Variants in MDN1 observed in about 807,000 individuals in gnomAD.
MDN1 encodes the protein midasin.
MDN1 carries 266 observed loss-of-function variants against 669.2 expected under a neutral mutation model. The observed-to-expected ratio is 0.40, with a 90% CI of 0.36 to 0.44. MDN1 has a LOEUF of 0.44. MDN1 is among the 20% of genes least tolerant of loss of function. MDN1 has a pLI of 1.00. For synonymous variants in MDN1, 2,385 were observed against 2,457.1 expected, an observed-to-expected ratio of 0.97 and a Z score of 0.87; for missense variants, 5,940 against 6,754.0, an observed-to-expected ratio of 0.88 and a Z score of 4.22.
intron 1 of MDN1, among the ~76,000 whole-genome samples, chr6:89,808,873 G>A (rs1461495756): frequency 6.6e-6 from 1 of 151,990 alleles, no homozygotes; most frequent in Non-Finnish European, 1.5e-5. Context: ...TTTTCTAGTT[G>A]TTTTGGCAAC....
At chr6:89,701,418 C>T in intron 55 of MDN1, 140 bp downstream of exon 55, 1 of 1,106,940 alleles carries the variant, frequency 9.0e-7, no homozygotes, top group Non-Finnish European at 1.3e-6. Context: ...ACCAATCACC[C>T]CCAGATGCCA....
intron 1 of MDN1, among the ~76,000 whole-genome samples, chr6:89,819,095 T>C (rs1396534956): frequency 2.0e-5 from 3 of 152,186 alleles, no homozygotes; most frequent in African/African-American, 2.4e-5. Flanking sequence ...ATGCAATCAG[T>C]ATTTGTCGAT....
Position 89,699,029 on chromosome 6 carries a change from G to A in MDN1, c.9004C>T (p.Pro3002Ser), listed in dbSNP as rs1391338318. 2 of 1,609,972 alleles carry A rather than the reference G, an allele frequency of 1.2e-6. No individual in the cohort carries two copies. Among genetic ancestry groups the A allele is most frequent in the Non-Finnish European group, 1.7e-6 (2 of 1,177,290 alleles). Residue 3002 changes from proline to serine, a missense_variant, in exon 59 of 102, where the codon CCT becomes TCT. Physicochemically the swap from Pro to Ser is moderately conservative, Grantham distance 74. This residue lies in a region of MDN1 where 2,292 missense variants were observed against 2,638.3 expected (regional missense o/e 0.87). Transcript: ENST00000369393. ...WSLLHHQKVS[P>S]EEITSLWSEL... ...GACCACAAAGATGTAATTTCTTCAGGAGACACCTAGAAATAAAGGAATAAT... is the reference window on the plus strand; with the variant it reads ...GACCACAAAGATGTAATTTCTTCAGAAGACACCTAGAAATAAAGGAATAAT...
intron 53 of MDN1, among the ~76,000 whole-genome samples, chr6:89,705,487 C>T (rs1813452155): frequency 2.0e-5 from 3 of 152,146 alleles, no homozygotes; most frequent in African/African-American, 7.2e-5. Flanking sequence ...TAAAATATAA[C>T]TGTTACAATC....
At chr6:89,719,056 C>A (rs1037755710) in intron 41 of MDN1, 26 bp from the exon 42 acceptor site, 29 of 1,613,784 alleles carry the variant, frequency 1.8e-5, no homozygotes, top group Middle Eastern at 1.6e-4. Context: ...AGTGAGATTT[C>A]CATAAGCGTG....
At chr6:89,766,393 A>G (rs1817802576) in intron 15 of MDN1, among the ~76,000 whole-genome samples, 1 of 152,242 alleles carries the variant, frequency 6.6e-6, no homozygotes, top group Non-Finnish European at 1.5e-5. Flanking sequence ...GAAAAGATGA[A>G]AAAACATACA....
At chr6:89,800,247 G>A (rs1767549346) in intron 2 of MDN1, among the ~76,000 whole-genome samples, 2 of 152,046 alleles carry the variant, frequency 1.3e-5, no homozygotes, top group Non-Finnish European at 2.9e-5. Flanking sequence ...GACCAACATG[G>A]AGAAACCCCG....
In MDN1 at chr6:89,648,008, A is replaced by C. The variant is rs1263764878; in HGVS notation, c.16395+24T>G. ...ACCAGTTTAAAAATAACTGTGCAGA[A>C]GACATTTTATTTCATCCTCTTACCT... On this transcript the variant is annotated intron_variant, in intron 99 of 101. Transcript: ENST00000369393. 6 of 1,534,304 alleles carry C rather than the reference A, an allele frequency of 3.9e-6. No individual in the cohort carries two copies. In the Admixed American group the frequency reaches 8.4e-5, roughly 21 times the overall value.
chr6:89,750,273 G>C, intron 24 of MDN1, 81 bp downstream of exon 24: 1 of 1,395,540 alleles, frequency 7.2e-7, no homozygotes, highest in South Asian at 1.4e-5. Flanking sequence ...GCCTCAATTG[G>C]AAAGGATGAA....
At chr6:89,788,598 T>C (rs1381657184) in intron 7 of MDN1, among the ~76,000 whole-genome samples, 1 of 152,220 alleles carries the variant, frequency 6.6e-6, no homozygotes, top group Non-Finnish European at 1.5e-5. Context: ...AAAGGCCTCC[T>C]GTGCTGAGCT....
chr6:89,673,253 G>T lies in MDN1; in HGVS notation c.13457C>A (p.Thr4486Asn). ...DFTTWKTHLL[T>N]SDSQGGNQML... ...TTCCTTACCTCCTTGGCTATCTGAAGTAAGCAGATGGGTCTTCCAGGTAGT... is the reference window on the plus strand; with the variant it reads ...TTCCTTACCTCCTTGGCTATCTGAATTAAGCAGATGGGTCTTCCAGGTAGT... Residue 4486 changes from threonine (T) to asparagine (N), a missense_variant, in exon 80 of 102, where the codon ACT becomes AAT. This residue lies in a region of MDN1 where 2,280 missense variants were observed against 2,576.3 expected (regional missense o/e 0.88). Coordinates refer to ENST00000369393, the MANE Select transcript of MDN1 (RefSeq NM_014611.3). 6.2e-7 allele frequency: 1 copy of T among 1,613,918 alleles called. No homozygotes were observed. The highest frequency in any genetic ancestry group is 8.5e-7 in the Non-Finnish European group (1 of 1,179,774).
chr6:89,810,016 A>AT (rs766839315), intron 1 of MDN1, among the ~76,000 whole-genome samples: 12,050 of 147,144 alleles, frequency 0.082, 821 homozygotes, highest in Non-Finnish European at 0.12. Context: ...AAAAAAAAAA[A>AT]AAAAAAAAAA....
At position 89,728,918 on chromosome 6, in the gene MDN1, T is replaced by C. The variant is rs772984631; in HGVS notation, c.5349+13A>G. On this transcript the variant is annotated intron_variant, in intron 36 of 101. Transcript: ENST00000369393. ...ATAGCTATCTCCATCAGCTGTAGGA[T>C]GACCGAGCTTACCGTTTGCTCTGAT... The C allele has an allele frequency of 6.2e-6, 10 of 1,611,006 alleles. No homozygotes were observed. In the East Asian group the frequency reaches 2.2e-4, roughly 36 times the overall value.
rs761831717 is a variant in MDN1 at position 89,688,063 on chromosome 6, G to C, written c.11355+15C>G. On this transcript the variant is annotated intron_variant, in intron 67 of 101. Transcript: ENST00000369393. ...TGACCACCAACTAAAATGAGGAAGA[G>C]AGGTATTAGCTCACCTGTGCCTTTG... The C allele has an allele frequency of 7.6e-5, 121 of 1,599,242 alleles. No homozygotes were observed. Among genetic ancestry groups the C allele is most frequent in the Non-Finnish European group, 9.0e-5 (105 of 1,166,684 alleles).
At chr6:89,733,839 A>G (rs1815760104) in intron 33 of MDN1, among the ~76,000 whole-genome samples, 1 of 152,190 alleles carries the variant, frequency 6.6e-6, no homozygotes, top group South Asian at 2.1e-4. Context: ...AATTTTGACC[A>G]TTTAAGAAAC....
At chr6:89,766,061 G>A (rs1310441785) in intron 15 of MDN1, among the ~76,000 whole-genome samples, 1 of 152,176 alleles carries the variant, frequency 6.6e-6, no homozygotes, top group Non-Finnish European at 1.5e-5. Context: ...TTGGGACGCT[G>A]AGGCAGGCGA....
At chr6:89,726,480 T>TAAAAAAAAAAAAAAAAA (rs1815244406) in intron 37 of MDN1, among the ~76,000 whole-genome samples, 1 of 65,862 alleles carries the variant, frequency 1.5e-5, no homozygotes. Context: ...AAAAGAAAAA[T>TAAAAAAAAAAAAAAAAA]AGAAAAAAAA....
intron 73 of MDN1, 65 bp from the exon 74 acceptor site, chr6:89,680,816 C>G: frequency 1.3e-6 from 2 of 1,533,746 alleles, no homozygotes; most frequent in African/African-American, 2.8e-5. Flanking sequence ...TGCAAGGGAA[C>G]TAAATTTAAC....
rs886321908 is a variant in MDN1, at chr6:89,706,241, A to G, written c.8015-49T>C. ...GAGAACATTTCATCAGATTTAAAAT[A>G]ATCTCTGGACATTTTCAAAATAAAC... On this transcript the variant is annotated intron_variant, in intron 52 of 101. Transcript: ENST00000369393. 5.8e-6 allele frequency: 9 copies of G among 1,562,114 alleles called. No homozygotes were observed. In the Admixed American group the frequency reaches 1.6e-4, roughly 28 times the overall value.
Sources: gnomAD v4.1 joint callset for allele counts (sites outside exome capture counted in the v4.1 genomes callset) on GRCh38, gnomAD v4.1.1 for gene constraint, gnomAD v4.1.1 regional missense constraint, MANE v1.5 for transcripts, NCBI Gene and HGNC (gene_info 2026-07-23, HGNC 2026-07-21) for gene names.